Variants in FOXN3 observed in about 807,000 individuals in gnomAD.
FOXN3 encodes the protein forkhead box protein N3.
FOXN3 carries 7 observed loss-of-function variants against 38.4 expected under a neutral mutation model. The observed-to-expected ratio is 0.18, with a 90% CI of 0.10 to 0.34. The LOEUF (loss-of-function observed/expected upper bound fraction) is 0.34, where lower values mean the gene tolerates loss of function less well. Among genes scored for constraint, FOXN3 ranks in the 10% least tolerant of loss-of-function variants. The pLI is 1.00. For synonymous variants in FOXN3, 230 were observed against 242.2 expected (o/e 0.95, Z 0.47); for missense variants, 456 against 613.4 (o/e 0.74, Z 2.71).
chr14:89,356,162 C>T (rs888153282), intron 2 of FOXN3, among the ~76,000 whole-genome samples: 5 of 152,038 alleles, frequency 3.3e-5, no homozygotes, highest in African/African-American at 7.2e-5. Flanking sequence ...CTTTGGGAGG[C>T]CGAGGTGGAC....
chr14:89,224,373 T>C (rs1363418883), intron 4 of FOXN3, among the ~76,000 whole-genome samples: 1 of 152,318 alleles, frequency 6.6e-6, no homozygotes, highest in African/African-American at 2.4e-5. Flanking sequence ...ATAAATAAAA[T>C]GAGATCTGTG....
chr14:89,455,034 T>C (rs1892690656), intron 1 of FOXN3, among the ~76,000 whole-genome samples: 1 of 152,162 alleles, frequency 6.6e-6, no homozygotes, highest in Admixed American at 6.5e-5. Context: ...AAAGATACTT[T>C]TTGCTTGAGA....
chr14:89,403,668 G>C (rs1231239919), intron 2 of FOXN3, among the ~76,000 whole-genome samples: 1 of 152,238 alleles, frequency 6.6e-6, no homozygotes, highest in East Asian at 1.9e-4. Context: ...CATCGATGAA[G>C]TATCTGGTAG....
chr14:89,323,373 T>C (rs796743962), intron 3 of FOXN3, among the ~76,000 whole-genome samples: 21 of 150,780 alleles, frequency 1.4e-4, no homozygotes, highest in African/African-American at 5.1e-4. Context: ...AGGGTAGGTG[T>C]CTTTGAGAAG....
intron 4 of FOXN3, among the ~76,000 whole-genome samples, chr14:89,240,986 C>A (rs546392770): frequency 2.6e-5 from 4 of 152,098 alleles, no homozygotes; most frequent in Non-Finnish European, 5.9e-5. Flanking sequence ...TACTTGCCAC[C>A]CACAATAATC....
At chr14:89,220,205 G>C (rs982973624) in intron 4 of FOXN3, among the ~76,000 whole-genome samples, 2 of 152,156 alleles carry the variant, frequency 1.3e-5, no homozygotes, top group African/African-American at 4.8e-5. Context: ...TTCCAATTCA[G>C]ACCATGGAAA....
At chr14:89,389,129 T>C (rs1250816529) in intron 2 of FOXN3, among the ~76,000 whole-genome samples, 2 of 152,138 alleles carry the variant, frequency 1.3e-5, no homozygotes, top group African/African-American at 2.4e-5. Context: ...TGAGGGGAAC[T>C]TACAGGCCCG....
chr14:89,325,310 CCACG>C lies in FOXN3; in HGVS notation c.680+25358_680+25361del, dbSNP rs1449055447. 6.2e-5 allele frequency among the ~76,000 whole-genome samples: 8 copies of C among 129,558 alleles called. No individual in the cohort carries two copies. The South Asian group carries it at 1.3e-3, about 21-fold the overall frequency. The allele number at this position is 129,558 out of a possible 152,430, so 85.0% of individuals were successfully genotyped here. A position where few individuals can be genotyped will look rare whatever the true frequency, so the allele number is the denominator to read the frequency against. ...AACACCACCAACACCAACACCACCA[CCACG>C]ACCACCACCACCACCACCACCACCA... On this transcript the variant is annotated intron_variant, in intron 3 of 5. Transcript: ENST00000557258.
intron 4 of FOXN3, among the ~76,000 whole-genome samples, chr14:89,194,424 T>C (rs1888043184): frequency 2.0e-5 from 3 of 152,142 alleles, no homozygotes; most frequent in African/African-American, 7.2e-5. Context: ...CCTAGCACTG[T>C]AGATCAATGC....
At chr14:89,333,749 T>TTAA (rs1555418764) in intron 3 of FOXN3, among the ~76,000 whole-genome samples, 577 of 57,220 alleles carry the variant, frequency 0.01, 71 homozygotes, top group East Asian at 0.013. Context: ...GAGAGACTAT[T>TTAA]AAAAAAAAAA....
intron 1 of FOXN3, among the ~76,000 whole-genome samples, chr14:89,472,058 C>T (rs1469332984): frequency 6.6e-6 from 1 of 151,806 alleles, no homozygotes; most frequent in Admixed American, 6.6e-5. Flanking sequence ...GAGTTCGAGA[C>T]CAGCCTGGCC....
intron 4 of FOXN3, among the ~76,000 whole-genome samples, chr14:89,242,748 G>A (rs1415554695): frequency 6.6e-6 from 1 of 152,166 alleles, no homozygotes; most frequent in Admixed American, 6.5e-5. Flanking sequence ...GGAGCAAGAA[G>A]TGTATCCAAT....
At chr14:89,406,563 G>C (rs763913316) in intron 2 of FOXN3, among the ~76,000 whole-genome samples, 1 of 152,122 alleles carries the variant, frequency 6.6e-6, no homozygotes, top group Non-Finnish European at 1.5e-5. Flanking sequence ...TCTATTTTAA[G>C]AAAGAAAATA....
chr14:89,241,101 T>C (rs550989326), intron 4 of FOXN3, among the ~76,000 whole-genome samples: 2 of 152,306 alleles, frequency 1.3e-5, no homozygotes, highest in East Asian at 3.9e-4. Context: ...TCACTGACAC[T>C]GGCATCCTCT....
At chr14:89,429,630 G>C (rs1443945987) in intron 1 of FOXN3, among the ~76,000 whole-genome samples, 2 of 152,192 alleles carry the variant, frequency 1.3e-5, no homozygotes, top group South Asian at 2.1e-4. Context: ...CGAAGGGTTA[G>C]CCAGGGAAGG....
chr14:89,257,566 A>G (rs1161577779), intron 4 of FOXN3, among the ~76,000 whole-genome samples: 1 of 152,204 alleles, frequency 6.6e-6, no homozygotes, highest in African/African-American at 2.4e-5. Context: ...CTTCCCCACC[A>G]GGTGAATTTT....
chr14:89,496,122 C>G (rs1330114324), intron 1 of FOXN3, among the ~76,000 whole-genome samples: 1 of 151,922 alleles, frequency 6.6e-6, no homozygotes, highest in Admixed American at 6.6e-5. Context: ...CTGAGGCAGG[C>G]GAATCTCTTG....
At chr14:89,306,150 T>C (rs1024251995) in intron 3 of FOXN3, among the ~76,000 whole-genome samples, 3 of 152,230 alleles carry the variant, frequency 2.0e-5, no homozygotes, top group African/African-American at 7.2e-5. Flanking sequence ...TAGAATTCTC[T>C]GTGTGGAGAA....
At chr14:89,210,627 CACAA>C (rs1163979051) in intron 4 of FOXN3, among the ~76,000 whole-genome samples, 1 of 152,204 alleles carries the variant, frequency 6.6e-6, no homozygotes, top group African/African-American at 2.4e-5. Context: ...CATTAATTAA[CACAA>C]ACAAGCCACG....
Sources: gnomAD v4.1 joint callset for allele counts (sites outside exome capture counted in the v4.1 genomes callset) on GRCh38, gnomAD v4.1.1 for gene constraint, MANE v1.5 for transcripts, NCBI Gene and HGNC (gene_info 2026-07-23, HGNC 2026-07-21) for gene names.